The following EDN1 variants were observed in gnomAD, a reference collection of about 807,000 sequenced individuals.
The protein encoded by EDN1 is endothelin-1.
A neutral mutation model predicts 21.7 loss-of-function variants in EDN1; 11 were observed. The observed-to-expected ratio is 0.51, with a 90% confidence interval of 0.32 to 0.84. The LOEUF (loss-of-function observed/expected upper bound fraction) is 0.84, where lower values mean the gene tolerates loss of function less well. Among genes scored for constraint, EDN1 ranks in the 40% least tolerant of loss-of-function variants. The pLI, the probability that EDN1 is intolerant of heterozygous loss-of-function variation, is 0.03. For synonymous variants in EDN1, 85 were observed against 90.6 expected, an observed-to-expected ratio of 0.94 and a Z score of 0.35; for missense variants, 244 against 262.3, an observed-to-expected ratio of 0.93 and a Z score of 0.48.
the EDN1 span, among the ~76,000 whole-genome samples, chr6:12,279,289 C>T: frequency 9.8e-3 from 1,493 of 152,094 alleles, 23 homozygotes; most frequent in African/African-American, 0.034. Flanking sequence ...GTAGCAGAGG[C>T]AGAGAGGGGA....
chr6:12,256,108 G>A, the EDN1 span, among the ~76,000 whole-genome samples: 1 of 152,190 alleles, frequency 6.6e-6, no homozygotes, highest in Non-Finnish European at 1.5e-5. Context: ...CATTTTGAGA[G>A]CCCAAGGCAG....
the EDN1 span, among the ~76,000 whole-genome samples, chr6:12,272,840 A>G: frequency 3.3e-3 from 504 of 152,344 alleles, 1 homozygote; most frequent in African/African-American, 9.7e-3. Flanking sequence ...AGATACTCCA[A>G]AAACTCAAAA....
chr6:12,235,926 C>A, the EDN1 span, among the ~76,000 whole-genome samples: 1 of 152,188 alleles, frequency 6.6e-6, no homozygotes, highest in Admixed American at 6.5e-5. Flanking sequence ...ATTCTGATTT[C>A]TCTGAGACAC....
chr6:12,243,114 A>G, the EDN1 span, among the ~76,000 whole-genome samples: 1 of 152,200 alleles, frequency 6.6e-6, no homozygotes, highest in African/African-American at 2.4e-5. Context: ...CAGCCAATTA[A>G]CACCCATTTT....
the EDN1 span, among the ~76,000 whole-genome samples, chr6:12,283,554 C>CA: frequency 6.6e-6 from 1 of 152,160 alleles, no homozygotes. Flanking sequence ...CATGAATGGT[C>CA]AAAATCACTG....
At chr6:12,264,384 G>T in the EDN1 span, among the ~76,000 whole-genome samples, 2 of 152,146 alleles carry the variant, frequency 1.3e-5, no homozygotes, top group African/African-American at 4.8e-5. Flanking sequence ...TTCAGATAAT[G>T]GTTCTGAAGG....
the EDN1 span, among the ~76,000 whole-genome samples, chr6:12,257,775 G>T: frequency 2.0e-5 from 3 of 152,064 alleles, no homozygotes; most frequent in African/African-American, 4.8e-5. Context: ...TTTTGGAACC[G>T]GTTTGTCATG....
chr6:12,294,825 C>T (rs1762780445), intron 4 of EDN1, among the ~76,000 whole-genome samples: 1 of 150,502 alleles, frequency 6.6e-6, no homozygotes, highest in African/African-American at 2.4e-5. Flanking sequence ...TCAAATTCTT[C>T]AATAAGTTGC....
chr6:12,289,347 G>C (rs1475956994), upstream of EDN1, among the ~76,000 whole-genome samples: 2 of 152,096 alleles, frequency 1.3e-5, no homozygotes, highest in African/African-American at 4.8e-5. Context: ...ATATGTCCCT[G>C]CTTGTGCGGG....
chr6:12,287,994 C>T (rs991229263), upstream of EDN1, among the ~76,000 whole-genome samples: 2 of 151,968 alleles, frequency 1.3e-5, no homozygotes, highest in African/African-American at 2.4e-5. Flanking sequence ...CTGTTGGAGG[C>T]GCTTGGGCAG....
chr6:12,284,709 AAG>A, the EDN1 span, among the ~76,000 whole-genome samples: 1 of 149,090 alleles, frequency 6.7e-6, no homozygotes, highest in African/African-American at 2.5e-5. Flanking sequence ...GAAAGGAAGA[AAG>A]AAAGAAGGAA....
chr6:12,271,447 C>A, the EDN1 span, among the ~76,000 whole-genome samples: 1 of 152,056 alleles, frequency 6.6e-6, no homozygotes, highest in Non-Finnish European at 1.5e-5. Context: ...TGGTTGCATA[C>A]AAATATTCTA....
the EDN1 span, among the ~76,000 whole-genome samples, chr6:12,261,187 G>A: frequency 2.0e-5 from 3 of 152,122 alleles, no homozygotes; most frequent in African/African-American, 7.2e-5. Flanking sequence ...AAATTCATTG[G>A]TAGAGCACTT....
At chr6:12,274,098 G>C in the EDN1 span, among the ~76,000 whole-genome samples, 1 of 152,144 alleles carries the variant, frequency 6.6e-6, no homozygotes, top group African/African-American at 2.4e-5. Flanking sequence ...CAGGTATCTG[G>C]TGAATTATCA....
intron 1 of EDN1, among the ~76,000 whole-genome samples, 194 bp downstream of exon 1, chr6:12,290,887 A>C (rs2113792943): frequency 6.6e-6 from 1 of 151,592 alleles, no homozygotes; most frequent in Non-Finnish European, 1.5e-5. Context: ...TATTGAATAC[A>C]ATTAGGTGCA....
rs1169601573 is a variant in EDN1, at chr6:12,296,498, T to C, written c.*431T>C. ...GTCCACACAAAGATTTTCTAAGGAA[T>C]GCACAAATTGAAAACACACTCAAAA... On this transcript the variant is annotated 3_prime_UTR_variant, in exon 5 of 5. Coordinates refer to ENST00000379375, the MANE Select transcript of EDN1 (RefSeq NM_001955.5). 6.3e-6 allele frequency: 1 copy of C among 159,908 alleles called. No homozygotes were observed. Among genetic ancestry groups the C allele is most frequent in the Non-Finnish European group, 1.4e-5 (1 of 72,224 alleles). 9.9% of individuals were successfully genotyped at this position (159,908 alleles called of 1,614,324 possible).
In EDN1 at chr6:12,296,212, A is replaced by T. The variant is rs1762821265; in HGVS notation, c.*145A>T. The T allele has an allele frequency of 2.7e-6, 2 of 748,238 alleles. No individual in the cohort carries two copies. The highest frequency in any genetic ancestry group is 4.7e-6 in the Non-Finnish European group (2 of 423,874). 46.3% of individuals were successfully genotyped at this position (748,238 alleles called of 1,614,324 possible). A position where few individuals can be genotyped will look rare whatever the true frequency, so the allele number is the denominator to read the frequency against. ...AAGGACCAGCGTCCTCGTTCAAAAC[A>T]TTCCAAGAAAGGTTAAGGAGTTCCC... is the stretch of plus-strand genomic sequence containing the variant. On this transcript the variant is annotated 3_prime_UTR_variant, in exon 5 of 5. Coordinates refer to ENST00000379375, the MANE Select transcript of EDN1 (RefSeq NM_001955.5).
chr6:12,274,623 A>G, the EDN1 span, among the ~76,000 whole-genome samples: 1 of 152,152 alleles, frequency 6.6e-6, no homozygotes, highest in South Asian at 2.1e-4. Flanking sequence ...GCTCTCCATA[A>G]ATATTTTCAG....
the EDN1 span, among the ~76,000 whole-genome samples, chr6:12,238,066 G>A: frequency 6.6e-6 from 1 of 151,502 alleles, no homozygotes; most frequent in African/African-American, 2.4e-5. Flanking sequence ...CAGCTACTCG[G>A]GAGGCTGAGG....
Sources: allele counts gnomAD v4.1 joint callset (sites outside exome capture counted in the v4.1 genomes callset), GRCh38; gene constraint gnomAD v4.1.1; transcripts MANE v1.5; gene names NCBI Gene and HGNC (gene_info 2026-07-23, HGNC 2026-07-21).